Variants in COL5A2 observed in about 807,000 individuals in gnomAD.
The protein encoded by COL5A2 is collagen alpha-2(V) chain.
A neutral mutation model predicts 208.2 loss-of-function variants in COL5A2; 23 were observed. The observed-to-expected ratio is 0.11, with a 90% CI of 0.08 to 0.16. The LOEUF (loss-of-function observed/expected upper bound fraction) is 0.16, where lower values mean the gene tolerates loss of function less well. Among genes scored for constraint, COL5A2 ranks in the 10% least tolerant of loss-of-function variants. The pLI is 1.00. For missense variants in COL5A2, 1,590 were observed against 1,956.4 expected (o/e 0.81, Z 3.53); for synonymous variants, 625 against 628.5 (o/e 0.99, Z 0.08).
chr2:189,198,080 A>C (rs1689028764), intron 1 of COL5A2, among the ~76,000 whole-genome samples: 1 of 152,044 alleles, frequency 6.6e-6, no homozygotes, highest in African/African-American at 2.4e-5. Context: ...CAATCTCCTG[A>C]CCTCGTGATC....
At chr2:189,073,109 C>T (rs572712723) in intron 17 of COL5A2, among the ~76,000 whole-genome samples, 4 of 152,078 alleles carry the variant, frequency 2.6e-5, no homozygotes, top group Non-Finnish European at 5.9e-5. Flanking sequence ...TTATACTTTA[C>T]TTTTGGCTAA....
rs1355926027 is a variant in COL5A2, at chr2:189,205,837, T to C, written c.-42+19311A>G. ...TTATGAATTAGAAGTTTGTATAACA[T>C]AATAGAATTAGGATATCACATTTAT... On this transcript the variant is annotated intron_variant, in intron 1 of 10. Coordinates refer to the COL5A2 transcript ENST00000649966. Among the ~76,000 whole-genome samples the C allele has an allele frequency of 2.0e-5, 3 of 152,210 alleles. No individual in the cohort carries two copies. In the East Asian group the frequency reaches 5.8e-4, roughly 29 times the overall value.
At chr2:189,223,139 A>C (rs929673561) in intron 1 of COL5A2, among the ~76,000 whole-genome samples, 3 of 152,190 alleles carry the variant, frequency 2.0e-5, no homozygotes, top group African/African-American at 7.2e-5. Context: ...TCTTATGTTC[A>C]TTAGGCAATA....
the COL5A2 span, among the ~76,000 whole-genome samples, chr2:189,276,232 A>G: frequency 2.6e-5 from 4 of 152,228 alleles, no homozygotes; most frequent in Non-Finnish European, 5.9e-5. Flanking sequence ...TCAAATTTTT[A>G]TCTCATCAAC....
chr2:189,095,316 T>C (rs1686883971), intron 6 of COL5A2, among the ~76,000 whole-genome samples: 1 of 152,160 alleles, frequency 6.6e-6, no homozygotes, highest in South Asian at 2.1e-4. Flanking sequence ...CTATACATCA[T>C]TTCATATCTT....
chr2:189,339,729 A>G, the COL5A2 span, among the ~76,000 whole-genome samples: 253 of 152,312 alleles, frequency 1.7e-3, 1 homozygote, highest in African/African-American at 5.7e-3. Flanking sequence ...GGTCAGCAGG[A>G]AGCAGGTGGT....
At chr2:189,320,577 T>C in the COL5A2 span, among the ~76,000 whole-genome samples, 113 of 152,036 alleles carry the variant, frequency 7.4e-4, 2 homozygotes, top group South Asian at 0.022. Context: ...TGATTGAAGA[T>C]CAAATGAATG....
At chr2:189,331,007 G>A in the COL5A2 span, among the ~76,000 whole-genome samples, 1 of 151,980 alleles carries the variant, frequency 6.6e-6, no homozygotes, top group African/African-American at 2.4e-5. Flanking sequence ...TAACAGACAA[G>A]AGTTTTAAAA....
chr2:189,319,911 C>T, the COL5A2 span, among the ~76,000 whole-genome samples: 112 of 152,316 alleles, frequency 7.4e-4, no homozygotes, highest in Non-Finnish European at 1.5e-3. Context: ...GGGAGGCACC[C>T]CCCCAGTAGG....
the COL5A2 span, among the ~76,000 whole-genome samples, chr2:189,380,346 G>C: frequency 6.6e-6 from 1 of 151,638 alleles, no homozygotes; most frequent in Non-Finnish European, 1.5e-5. Flanking sequence ...ACAGTAAAAT[G>C]TTTTAAGCTA....
rs974896728 is a variant in COL5A2, at chr2:189,033,114, C to T, written c.*956G>A. 2.0e-5 allele frequency: 3 copies of T among 152,572 alleles called. No individual in the cohort carries two copies. Among genetic ancestry groups the T allele is most frequent in the African/African-American group, 7.2e-5 (3 of 41,438 alleles). The allele number at this position is 152,572 out of a possible 1,614,324, so 9.5% of individuals were successfully genotyped here. Reference sequence around the variant, plus strand: ...TCACATTTGATTAGAGTCAGCTCCACAACTCAGTTTCTAGATCTTTTTCTT... The same window carrying T: ...TCACATTTGATTAGAGTCAGCTCCATAACTCAGTTTCTAGATCTTTTTCTT... On this transcript the variant is annotated 3_prime_UTR_variant, in exon 54 of 54. Transcript: ENST00000374866.
the COL5A2 span, among the ~76,000 whole-genome samples, chr2:189,435,846 T>C: frequency 6.6e-6 from 1 of 152,330 alleles, no homozygotes; most frequent in Non-Finnish European, 1.5e-5. Flanking sequence ...CAAAGCATTA[T>C]AAATCATGCT....
chr2:189,068,923 T>C (rs753850273), intron 18 of COL5A2, 39 bp from the exon 19 acceptor site: 31 of 1,357,370 alleles, frequency 2.3e-5, no homozygotes, highest in Middle Eastern at 2.0e-4. Context: ...TTAAGAAAAA[T>C]ACGAGAGTGG....
intron 16 of COL5A2, among the ~76,000 whole-genome samples, chr2:189,076,727 G>A (rs888274109): frequency 6.6e-6 from 1 of 152,130 alleles, no homozygotes; most frequent in African/African-American, 2.4e-5. Flanking sequence ...CACAGTCAGG[G>A]TCCTGGATTG....
the COL5A2 span, among the ~76,000 whole-genome samples, chr2:189,273,067 C>T: frequency 0.015 from 2,279 of 152,176 alleles, 24 homozygotes; most frequent in Non-Finnish European, 0.022. Flanking sequence ...GATCAAAACA[C>T]TGGTTATTTT....
the COL5A2 span, among the ~76,000 whole-genome samples, chr2:189,320,074 G>T: frequency 1.3e-5 from 2 of 152,178 alleles, no homozygotes; most frequent in Admixed American, 6.5e-5. Flanking sequence ...TAGAACTCCC[G>T]CAAATTCCAA....
the COL5A2 span, among the ~76,000 whole-genome samples, chr2:189,424,825 G>C: frequency 6.6e-6 from 1 of 151,972 alleles, no homozygotes; most frequent in Non-Finnish European, 1.5e-5. Context: ...AATTTGTGTG[G>C]AACAAAAAAA....
Position 189,057,410 on chromosome 2 carries a change from A to G in COL5A2, c.2247T>C (p.Ser749=). 1 of 1,613,010 alleles carries G rather than the reference A, an allele frequency of 6.2e-7. No homozygotes were observed. Residue 749 remains serine, a synonymous_variant, in exon 34 of 54, where the codon TCT becomes TCC. Coordinates refer to ENST00000374866, the MANE Select transcript of COL5A2 (RefSeq NM_000393.5). ...PDGPKGSPGP[S]GTPGDTGPPG... Reference sequence around the variant, plus strand: ...GTGGGCCTGTATCTCCAGGGGTCCCAGATGGACCTGGACTGCCCTAAAATG... The same window carrying G: ...GTGGGCCTGTATCTCCAGGGGTCCCGGATGGACCTGGACTGCCCTAAAATG...
At chr2:189,039,947 A>G (rs1354794700) in intron 50 of COL5A2, among the ~76,000 whole-genome samples, 1 of 152,166 alleles carries the variant, frequency 6.6e-6, no homozygotes, top group African/African-American at 2.4e-5. Context: ...TTATTTTTGG[A>G]TGAAGCTGAA....
Sources: allele counts gnomAD v4.1 joint callset (sites outside exome capture counted in the v4.1 genomes callset), GRCh38; gene constraint gnomAD v4.1.1; transcripts MANE v1.5; gene names NCBI Gene and HGNC (gene_info 2026-07-23, HGNC 2026-07-21).